GRHL3: variants seen among roughly 807,000 people sequenced by gnomAD.
The protein encoded by GRHL3 is grainyhead-like protein 3 homolog.
In GRHL3, 20 loss-of-function variants were observed where a neutral mutation model predicts 70.3. The observed-to-expected ratio is 0.28, with a 90% confidence interval of 0.20 to 0.41. The LOEUF (loss-of-function observed/expected upper bound fraction) is 0.41, where lower values mean the gene tolerates loss of function less well. Ranked by LOEUF, GRHL3 falls within the 10% of genes least tolerant of loss-of-function variation. The probability of loss-of-function intolerance (pLI) is 1.00; values close to 1 mark genes in which losing one functional copy is unlikely to be tolerated. For missense variants in GRHL3, 637 were observed against 762.3 expected (o/e 0.84, Z 1.94); for synonymous variants, 299 against 299.9 (o/e 1.00, Z 0.03).
intron 4 of GRHL3, 47 bp downstream of exon 4, chr1:24,336,874 T>G: frequency 7.0e-7 from 1 of 1,428,760 alleles, no homozygotes; most frequent in Non-Finnish European, 9.7e-7. Context: ...TGTGTGTGCA[T>G]ATACAGAATG....
chr1:24,358,643 G>C (rs1477742847), downstream of GRHL3: 1 of 1,585,304 alleles, frequency 6.3e-7, no homozygotes, highest in East Asian at 2.2e-5. Flanking sequence ...GAGAGGCGGA[G>C]GCATTAAGAG....
chr1:24,326,505 G>A (rs1055160412), intron 1 of GRHL3, among the ~76,000 whole-genome samples: 4 of 151,294 alleles, frequency 2.6e-5, no homozygotes, highest in Non-Finnish European at 5.9e-5. Flanking sequence ...TTTCTTCATA[G>A]CTCTCTTCAC....
chr1:24,360,745 A>T (rs1641049276), intron 15 of GRHL3: 1 of 1,006,830 alleles, frequency 9.9e-7, no homozygotes. Context: ...CATCCCTGTA[A>T]CCTATTTGGG....
Position 24,360,970 on chromosome 1 carries a change from C to G in GRHL3, c.1695-3215C>G, listed in dbSNP as rs765501672. On this transcript the variant is annotated intron_variant, in intron 15 of 15. Coordinates refer to the GRHL3 transcript ENST00000350501. ...TAAGTAGTCCACGATCTCATACTGACCAGGACCTGGGAAAGGTGGCTTCGG... is the reference window on the plus strand; with the variant it reads ...TAAGTAGTCCACGATCTCATACTGAGCAGGACCTGGGAAAGGTGGCTTCGG... The G allele has an allele frequency of 5.6e-6, 9 of 1,613,882 alleles. No homozygotes were observed. The highest frequency in any genetic ancestry group is 4.5e-5 in the East Asian group (2 of 44,872).
intron 12 of GRHL3, 91 bp from the exon 13 acceptor site, chr1:24,346,462 C>T: frequency 1.3e-6 from 1 of 799,104 alleles, no homozygotes; most frequent in East Asian, 2.6e-5. Context: ...TTTTCTTCCC[C>T]ATTTCTAGGG....
downstream of GRHL3, chr1:24,357,890 C>G (rs114389997): frequency 6.2e-6 from 2 of 320,840 alleles, no homozygotes; most frequent in Admixed American, 8.5e-5. Context: ...CCCCCGGGCC[C>G]GGCCACTGCC....
At chr1:24,341,530 C>T (rs922530960) in intron 8 of GRHL3, among the ~76,000 whole-genome samples, 2 of 152,152 alleles carry the variant, frequency 1.3e-5, no homozygotes, top group African/African-American at 2.4e-5. Flanking sequence ...TCTGTTTCCC[C>T]GGCTGTAAGA....
intron 1 of GRHL3, among the ~76,000 whole-genome samples, chr1:24,326,346 CA>C: frequency 6.9e-6 from 1 of 145,580 alleles, no homozygotes; most frequent in African/African-American, 2.6e-5. Flanking sequence ...TCTTCCCCTC[CA>C]CCCCTCTTCT....
downstream of GRHL3, among the ~76,000 whole-genome samples, chr1:24,356,735 G>A (rs1052478520): frequency 3.3e-5 from 5 of 152,222 alleles, no homozygotes; most frequent in Admixed American, 6.5e-5. Flanking sequence ...ACTACAATGC[G>A]AGGAAGGGGC....
rs755392736 is a variant in GRHL3 at position 24,339,658 on chromosome 1, G to A, written c.953-10G>A. The A allele has an allele frequency of 6.2e-7, 1 of 1,600,872 alleles. No individual in the cohort carries two copies. Among genetic ancestry groups the A allele is most frequent in the Admixed American group, 1.7e-5 (1 of 59,548 alleles). ...TTCCTGATTCTCCTTCTGGTCTCCT[G>A]TGGTTTCAGCTGACTGCAAAGAAAA... On this transcript the variant is annotated splice_polypyrimidine_tract_variant and intron_variant, in intron 7 of 15. Transcript: ENST00000361548.
At chr1:24,331,282 C>T in intron 1 of GRHL3, 144 bp from the exon 2 acceptor site, 1 of 692,018 alleles carries the variant, frequency 1.4e-6, no homozygotes, top group South Asian at 2.4e-5. Flanking sequence ...TTCTGCTGCC[C>T]CACACTGCCT....
rs143169996 is a variant in GRHL3, at chr1:24,342,991, A to G, written c.1385A>G (p.Asn462Ser). The change falls in exon 11 of 16, where the codon AAT (asparagine) becomes AGT (serine). Residue 462 changes from asparagine to serine, a missense_variant. This residue lies in a region of GRHL3 where 387 missense variants were observed against 513.8 expected (regional missense o/e 0.75). Coordinates refer to ENST00000361548, the MANE Select transcript of GRHL3 (RefSeq NM_198173.3). This position sits in a 1 kb window ranked among gnomAD's most constrained non-coding sequence, Gnocchi z 4.8. ...ACGCCACCCGTGCTGTTCATCCCCA[A>G]TGTGCACTTCTCCAGCCTGCAGCGC... ...LETPPVLFIPNVHFSSLQRSG... is the reference protein window; with the variant it reads ...LETPPVLFIPSVHFSSLQRSG... 826 of 1,613,768 alleles carry G rather than the reference A, an allele frequency of 5.1e-4. 3 individuals are homozygous for G. The highest frequency in any genetic ancestry group is 5.7e-4 in the African/African-American group (43 of 74,886).
In GRHL3 at chr1:24,322,409, C is replaced by A. The variant is rs907052391; in HGVS notation, c.17+2841C>A. Among the ~76,000 whole-genome samples the A allele has an allele frequency of 1.3e-5, 2 of 152,228 alleles. No homozygotes were observed. Among genetic ancestry groups the A allele is most frequent in the African/African-American group, 4.8e-5 (2 of 41,456 alleles). On this transcript the variant is annotated intron_variant, in intron 1 of 15. Coordinates refer to ENST00000361548, the MANE Select transcript of GRHL3 (RefSeq NM_198173.3). The surrounding 1 kb of genome is among the most constrained non-coding windows in gnomAD (Gnocchi z 4.4). ...TGAAAGAGTTAATCAGGAACGCCTC[C>A]CCGCTGTGGTTTTGTGGTCGAAACC...
rs113576627 is a variant in GRHL3 at position 24,321,902 on chromosome 1, C to A, written c.17+2334C>A. 1 of 152,164 alleles carries A rather than the reference C, an allele frequency of 6.6e-6. No homozygotes were observed. The highest frequency in any genetic ancestry group is 1.5e-5 in the Non-Finnish European group (1 of 68,022). 9.4% of individuals were successfully genotyped at this position (152,164 alleles called of 1,614,324 possible). On this transcript the variant is annotated intron_variant, in intron 1 of 15. Coordinates refer to ENST00000361548, the MANE Select transcript of GRHL3 (RefSeq NM_198173.3). This position sits in a 1 kb window ranked among gnomAD's most constrained non-coding sequence, Gnocchi z 4.0. ...GCCCGCAGCCCTGGGCAGCCCCGGG[C>A]TACCGCAGGGCGCAAGGGATCCTGG...
At chr1:24,343,355 T>C (rs571960185) in intron 11 of GRHL3, 1 of 298,458 alleles carries the variant, frequency 3.4e-6, no homozygotes, top group South Asian at 5.0e-5. Flanking sequence ...GTGCTCACTG[T>C]GTGCCAGGTG....
intron 2 of GRHL3, among the ~76,000 whole-genome samples, chr1:24,332,493 C>G (rs1334470167): frequency 6.6e-6 from 1 of 152,180 alleles, no homozygotes; most frequent in Non-Finnish European, 1.5e-5. Flanking sequence ...CTAGACATTG[C>G]TAATGGATTG....
At chr1:24,356,073 G>T (rs933091643), downstream of GRHL3, among the ~76,000 whole-genome samples, 7 of 150,800 alleles carry the variant, frequency 4.6e-5, no homozygotes, top group African/African-American at 7.3e-5. Flanking sequence ...GCTAATTTTT[G>T]TATTTTTAGT....
At chr1:24,350,836 C>T (rs929699563) in intron 15 of GRHL3, among the ~76,000 whole-genome samples, 6 of 152,220 alleles carry the variant, frequency 3.9e-5, no homozygotes, top group African/African-American at 1.2e-4. Context: ...TGGCTGCCTA[C>T]CATGGGCTCC....
chr1:24,331,771 C>A (rs1196702767), intron 2 of GRHL3, among the ~76,000 whole-genome samples, 159 bp downstream of exon 2: 1 of 152,170 alleles, frequency 6.6e-6, no homozygotes, highest in Non-Finnish European at 1.5e-5. Context: ...TTTCCCATGG[C>A]TAACCCCTAC....
Sources: allele counts gnomAD v4.1 joint callset (sites outside exome capture counted in the v4.1 genomes callset), GRCh38; gene constraint gnomAD v4.1.1; regional missense constraint gnomAD v4.1.1; non-coding constraint Gnocchi (gnomAD v3.1); transcripts MANE v1.5; gene names NCBI Gene and HGNC (gene_info 2026-07-23, HGNC 2026-07-21).